TRIM66: variants seen among roughly 807,000 people sequenced by gnomAD.
The protein encoded by TRIM66 is tripartite motif containing 66.
A neutral mutation model predicts 148.2 loss-of-function variants in TRIM66; 99 were observed. The ratio of observed to expected loss-of-function variants is 0.67; its 90% CI spans 0.57 to 0.79. The LOEUF is 0.79. Ranked by LOEUF, TRIM66 falls within the 30% of genes least tolerant of loss-of-function variation. The probability of loss-of-function intolerance (pLI) is 0.00; values close to 1 mark genes in which losing one functional copy is unlikely to be tolerated. For synonymous variants in TRIM66, 616 were observed against 635.9 expected (o/e 0.97, Z 0.47); for missense variants, 1,666 against 1,697.9 (o/e 0.98, Z 0.33).
chr11:8,628,289 A>C (rs181420918), intron 15 of TRIM66, among the ~76,000 whole-genome samples: 4 of 152,184 alleles, frequency 2.6e-5, no homozygotes. Flanking sequence ...ATCACTAAGT[A>C]GATTTGATGT....
intron 6 of TRIM66, among the ~76,000 whole-genome samples, chr11:8,661,959 C>T (rs575599561): frequency 1.1e-4 from 17 of 152,322 alleles, no homozygotes; most frequent in African/African-American, 4.1e-4. Context: ...CACAGCCTGC[C>T]TCCTTTCCAT....
At chr11:8,648,309 T>C in intron 9 of TRIM66, 107 bp downstream of exon 9, 1 of 1,475,296 alleles carries the variant, frequency 6.8e-7, no homozygotes, top group Non-Finnish European at 9.1e-7. Context: ...GGCTGCAGGT[T>C]GGCTTGGGCA....
At chr11:8,642,046 G>A (rs149610829) in intron 13 of TRIM66, among the ~76,000 whole-genome samples, 3 of 152,042 alleles carry the variant, frequency 2.0e-5, no homozygotes, top group Non-Finnish European at 2.9e-5. Flanking sequence ...ACAATAATGC[G>A]AGAATGGACT....
chr11:8,658,964 C>T (rs765491404), intron 6 of TRIM66: 2 of 231,118 alleles, frequency 8.7e-6, no homozygotes, highest in African/African-American at 2.3e-5. Flanking sequence ...AGAAGACACA[C>T]ATTTACGATG....
At chr11:8,653,129 G>T (rs988547845) in intron 6 of TRIM66, among the ~76,000 whole-genome samples, 1 of 152,198 alleles carries the variant, frequency 6.6e-6, no homozygotes, top group Non-Finnish European at 1.5e-5. Flanking sequence ...CTCTGGTGAC[G>T]AAAGTTAGTT....
chr11:8,631,399 A>G (rs1242648624), intron 15 of TRIM66, among the ~76,000 whole-genome samples: 2 of 152,234 alleles, frequency 1.3e-5, no homozygotes, highest in Admixed American at 6.5e-5. Flanking sequence ...TACCTCTTTC[A>G]ATAACAAAAT....
Position 8,641,075 on chromosome 11 carries a change from A to G in TRIM66, c.1300T>C (p.Phe434Leu), listed in dbSNP as rs1324029745. 2 of 1,551,630 alleles carry G rather than the reference A, an allele frequency of 1.3e-6. No individual in the cohort carries two copies. The highest frequency in any genetic ancestry group is 1.7e-6 in the Non-Finnish European group (2 of 1,147,008). ...ACTGGAGACTGGTGGCTTTGATAAAAGGGTGATGACCCCTGTAAGCCTCCA... is the reference window on the plus strand; with the variant it reads ...ACTGGAGACTGGTGGCTTTGATAAAGGGGTGATGACCCCTGTAAGCCTCCA... ...AYGGLQGSSP[F>L]YQSHQSPVAQ... The change falls in exon 14 of 25, where the codon TTT becomes CTT. Residue 434 changes from phenylalanine to leucine, a missense_variant. This residue lies in a region of TRIM66 where 1,431 missense variants were observed against 1,412.4 expected (regional missense o/e 1.01). Transcript: ENST00000646038.
chr11:8,678,835 G>A (rs1173775157), intron 3 of TRIM66, among the ~76,000 whole-genome samples: 3 of 152,234 alleles, frequency 2.0e-5, no homozygotes, highest in Non-Finnish European at 4.4e-5. Context: ...GAAAGGAAGA[G>A]GGATCACCAG....
chr11:8,644,393 C>A (rs1226300197), intron 12 of TRIM66: 6 of 452,792 alleles, frequency 1.3e-5, no homozygotes, highest in Middle Eastern at 3.2e-4. Context: ...TACTTTGGTG[C>A]TACTTACCAA....
intron 4 of TRIM66, among the ~76,000 whole-genome samples, chr11:8,673,224 G>A (rs1047062348): frequency 4.6e-5 from 7 of 151,894 alleles, no homozygotes; most frequent in East Asian, 3.9e-4. Context: ...CACCGAGCCC[G>A]GCCCACACTC....
At chr11:8,671,218 A>G (rs2038911606) in intron 6 of TRIM66, among the ~76,000 whole-genome samples, 2 of 152,240 alleles carry the variant, frequency 1.3e-5, no homozygotes, top group African/African-American at 4.8e-5. Context: ...CATTCAATGG[A>G]TATTCACTGT....
intron 6 of TRIM66, among the ~76,000 whole-genome samples, chr11:8,666,197 G>T (rs184798927): frequency 3.8e-4 from 57 of 151,648 alleles, no homozygotes; most frequent in Non-Finnish European, 6.8e-4. Flanking sequence ...AAATTAGCTG[G>T]GCATGGTGGT....
At chr11:8,619,050 C>A in intron 23 of TRIM66, 82 bp from the exon 24 acceptor site, 2 of 1,304,640 alleles carry the variant, frequency 1.5e-6, no homozygotes, top group South Asian at 1.3e-5. Context: ...CTACACAGAG[C>A]ACAAAGCCTA....
chr11:8,654,128 G>C (rs905579684), intron 6 of TRIM66, among the ~76,000 whole-genome samples: 1 of 152,190 alleles, frequency 6.6e-6, no homozygotes, highest in South Asian at 2.1e-4. Flanking sequence ...AATGAAAAAA[G>C]AGAAAGAACT....
intron 15 of TRIM66, among the ~76,000 whole-genome samples, chr11:8,631,623 C>T (rs1282660329): frequency 6.6e-6 from 1 of 152,144 alleles, no homozygotes; most frequent in African/African-American, 2.4e-5. Context: ...GACCTCATAC[C>T]GTGGCACTTT....
chr11:8,637,348 T>C (rs1233748758), intron 15 of TRIM66, among the ~76,000 whole-genome samples: 2 of 151,952 alleles, frequency 1.3e-5, no homozygotes, highest in Admixed American at 6.6e-5. Context: ...ATATGCATTA[T>C]ATATATGCAT....
intron 6 of TRIM66, among the ~76,000 whole-genome samples, chr11:8,652,645 C>A (rs2037458676): frequency 6.6e-6 from 1 of 152,176 alleles, no homozygotes; most frequent in African/African-American, 2.4e-5. Flanking sequence ...AAGACTCCCA[C>A]CCTGGAGACC....
intron 15 of TRIM66, among the ~76,000 whole-genome samples, chr11:8,634,342 G>A (rs1418381375): frequency 6.6e-6 from 1 of 152,084 alleles, no homozygotes; most frequent in South Asian, 2.1e-4. Context: ...ATTTTCTTGT[G>A]TTTTTTTGTA....
chr11:8,618,795 G>C lies in TRIM66; in HGVS notation c.4074C>G (p.Pro1358=), dbSNP rs1304326995. ...CSTPQGFPWP[P]YMQEGIQPKR... ...TGGGTTGGATGCCCTCCTGCATGTAGGGAGGCCACGGGAAGCCCTGGGGAG... is the reference window on the plus strand; with the variant it reads ...TGGGTTGGATGCCCTCCTGCATGTACGGAGGCCACGGGAAGCCCTGGGGAG... Residue 1358 remains proline (P), a synonymous_variant, in exon 24 of 25, where the codon CCC becomes CCG. Coordinates refer to ENST00000646038, the MANE Select transcript of TRIM66 (RefSeq NM_001388022.1). 1.3e-6 allele frequency: 2 copies of C among 1,550,980 alleles called. No individual in the cohort carries two copies. Among genetic ancestry groups the C allele is most frequent in the South Asian group, 1.2e-5 (1 of 84,040 alleles).
Sources: allele counts gnomAD v4.1 joint callset (sites outside exome capture counted in the v4.1 genomes callset), GRCh38; gene constraint gnomAD v4.1.1; regional missense constraint gnomAD v4.1.1; transcripts MANE v1.5; gene names NCBI Gene and HGNC (gene_info 2026-07-23, HGNC 2026-07-21).